Variants in CSGALNACT1 observed in about 807,000 individuals in gnomAD.
CSGALNACT1 encodes beta4GalNAcT-1.
In CSGALNACT1, 52 loss-of-function variants were observed where a neutral mutation model predicts 51.0. The ratio of observed to expected loss-of-function variants is 1.02; its 90% CI spans 0.82 to 1.29. The LOEUF is 1.29. Among genes scored for constraint, CSGALNACT1 ranks in the 50% most tolerant of loss-of-function variants. The pLI is 0.00. For synonymous variants in CSGALNACT1, 341 were observed against 254.4 expected, an observed-to-expected ratio of 1.34 and a Z score of -3.24; for missense variants, 935 against 679.2, an observed-to-expected ratio of 1.38 and a Z score of -4.19.
chr8:19,618,629 CAAAAAAAAAAAA>C (rs60787326), intron 1 of CSGALNACT1, among the ~76,000 whole-genome samples: 10 of 64,048 alleles, frequency 1.6e-4, no homozygotes, highest in East Asian at 1.2e-3. Context: ...AATACTCCAT[CAAAAAAAAAAAA>C]AAAAAAAAAA....
chr8:19,526,455 C>T (rs371581106), intron 3 of CSGALNACT1, among the ~76,000 whole-genome samples: 108 of 152,180 alleles, frequency 7.1e-4, no homozygotes, highest in East Asian at 2.5e-3. Flanking sequence ...TGGTGGTACG[C>T]GCCTGTAGTG....
At chr8:19,590,188 C>T (rs2047498876) in intron 3 of CSGALNACT1, among the ~76,000 whole-genome samples, 1 of 152,164 alleles carries the variant, frequency 6.6e-6, no homozygotes, top group African/African-American at 2.4e-5. Context: ...CTGTGGGCGA[C>T]ACGACTGCAA....
chr8:19,712,785 G>A (rs748674349), intron 1 of CSGALNACT1, among the ~76,000 whole-genome samples: 2 of 152,158 alleles, frequency 1.3e-5, no homozygotes, highest in African/African-American at 4.8e-5. Context: ...ATCTCACTGA[G>A]GCAGCTAAAG....
At chr8:19,408,105 G>A (rs1170649679) in intron 9 of CSGALNACT1, among the ~76,000 whole-genome samples, 1 of 150,250 alleles carries the variant, frequency 6.7e-6, no homozygotes, top group Non-Finnish European at 1.5e-5. Flanking sequence ...TGTTCTACAG[G>A]AGAGGGCAGA....
At chr8:19,599,390 G>C (rs1334470307) in intron 2 of CSGALNACT1, among the ~76,000 whole-genome samples, 1 of 149,816 alleles carries the variant, frequency 6.7e-6, no homozygotes, top group Non-Finnish European at 1.5e-5. Flanking sequence ...CCAGCACTTT[G>C]GGAGGCCAAG....
rs571264893 is a variant in CSGALNACT1, at chr8:19,613,787, T to G, written c.-543-11922A>C. Among the ~76,000 whole-genome samples the G allele has an allele frequency of 1.5e-3, 222 of 152,320 alleles. 1 individual carries two copies. In the South Asian group the frequency reaches 0.019, roughly 13 times the overall value. On this transcript the variant is annotated intron_variant, in intron 1 of 9. Coordinates refer to the CSGALNACT1 transcript ENST00000332246. ...GCAACTTGCAATGTCACCAGCAAAA[T>G]TATGACCGTAGCTTTTTCTTCATAT... is the stretch of plus-strand genomic sequence containing the variant.
At chr8:19,433,911 A>T (rs1401783688) in intron 6 of CSGALNACT1, among the ~76,000 whole-genome samples, 4 of 152,198 alleles carry the variant, frequency 2.6e-5, no homozygotes, top group Non-Finnish European at 5.9e-5. Flanking sequence ...AAATATCTCC[A>T]ACCCCATTTT....
intron 3 of CSGALNACT1, among the ~76,000 whole-genome samples, chr8:19,585,517 T>C (rs905418110): frequency 1.3e-5 from 2 of 152,218 alleles, no homozygotes; most frequent in African/African-American, 4.8e-5. Context: ...ATCTCAGCCT[T>C]GGATGTTGTC....
At chr8:19,636,384 A>C (rs2154173514) in intron 1 of CSGALNACT1, among the ~76,000 whole-genome samples, 1 of 152,320 alleles carries the variant, frequency 6.6e-6, no homozygotes, top group African/African-American at 2.4e-5. Flanking sequence ...TCAGGCATCC[A>C]ATGAGAATCT....
intron 9 of CSGALNACT1, among the ~76,000 whole-genome samples, chr8:19,408,400 C>A (rs1371793888): frequency 4.6e-5 from 7 of 151,414 alleles, no homozygotes; most frequent in Non-Finnish European, 8.8e-5. Flanking sequence ...CTCAAGTGAT[C>A]CCCCCTCCTC....
At chr8:19,446,629 C>G (rs1018351804) in intron 5 of CSGALNACT1, among the ~76,000 whole-genome samples, 6 of 152,146 alleles carry the variant, frequency 3.9e-5, no homozygotes, top group African/African-American at 1.4e-4. Context: ...TCCTCCCACC[C>G]TAACTTCCCG....
intron 1 of CSGALNACT1, among the ~76,000 whole-genome samples, chr8:19,611,152 T>C (rs2052201521): frequency 1.3e-5 from 2 of 152,170 alleles, no homozygotes; most frequent in Admixed American, 1.3e-4. Context: ...CTACAGAAAA[T>C]ATAAGCTATA....
chr8:19,557,334 G>T (rs1346356985), intron 3 of CSGALNACT1, among the ~76,000 whole-genome samples: 1 of 152,116 alleles, frequency 6.6e-6, no homozygotes, highest in Non-Finnish European at 1.5e-5. Flanking sequence ...TCTCTCTTCA[G>T]ACTATTATAT....
intron 4 of CSGALNACT1, among the ~76,000 whole-genome samples, chr8:19,491,473 CTAAATA>C (rs1163502724): frequency 2.6e-5 from 4 of 152,166 alleles, no homozygotes; most frequent in African/African-American, 9.7e-5. Flanking sequence ...GCTCTTAATA[CTAAATA>C]TAAATTTTCA....
intron 3 of CSGALNACT1, among the ~76,000 whole-genome samples, chr8:19,541,455 T>C (rs1172971186): frequency 6.6e-6 from 1 of 151,042 alleles, no homozygotes; most frequent in Non-Finnish European, 1.5e-5. Flanking sequence ...GGTTTCACTA[T>C]GTTAGCCAGG....
rs1051311847 is a variant in CSGALNACT1, at chr8:19,676,100, AC to A, written c.-544+6372del. Among the ~76,000 whole-genome samples the A allele has an allele frequency of 6.9e-4, 87 of 126,448 alleles. 2 individuals are homozygous for A. The highest frequency in any genetic ancestry group is 3.8e-3 in the South Asian group (15 of 3,968). The allele number at this position is 126,448 out of a possible 152,430, so 83.0% of individuals were successfully genotyped here. On this transcript the variant is annotated intron_variant, in intron 1 of 9. Coordinates refer to the CSGALNACT1 transcript ENST00000332246. ...TGTCTGATTTAAAAAACAAAACAAA[AC>A]AAAAAAAACTCCCAGATTACAAAAG...
chr8:19,450,258 C>T (rs1244286294), intron 5 of CSGALNACT1, among the ~76,000 whole-genome samples: 2 of 54,180 alleles, frequency 3.7e-5, no homozygotes, highest in Admixed American at 3.0e-4. Context: ...GGGGGAGGAA[C>T]AGGGGAGGAG....
intron 1 of CSGALNACT1, among the ~76,000 whole-genome samples, chr8:19,654,834 C>T (rs1432288592): frequency 6.6e-6 from 1 of 152,136 alleles, no homozygotes; most frequent in Admixed American, 6.5e-5. Context: ...GCATGAGCCA[C>T]TGTGCCCAGC....
intron 1 of CSGALNACT1, among the ~76,000 whole-genome samples, chr8:19,658,712 T>G (rs1395495594): frequency 6.6e-6 from 1 of 152,004 alleles, no homozygotes; most frequent in Non-Finnish European, 1.5e-5. Flanking sequence ...CCAGCCTGGG[T>G]GACAAAGCAA....
Sources: gnomAD v4.1 joint callset for allele counts (sites outside exome capture counted in the v4.1 genomes callset) on GRCh38, gnomAD v4.1.1 for gene constraint, MANE v1.5 for transcripts, NCBI Gene and HGNC (gene_info 2026-07-23, HGNC 2026-07-21) for gene names.